Variants in CCDC92 observed in about 807,000 individuals in gnomAD.
CCDC92 encodes coiled-coil domain-containing protein 92.
A neutral mutation model predicts 24.9 loss-of-function variants in CCDC92; 12 were observed. The observed-to-expected ratio is 0.48, with a 90% CI of 0.31 to 0.78. The LOEUF is 0.78. Ranked by LOEUF, CCDC92 falls within the 30% of genes least tolerant of loss-of-function variation. CCDC92 has a pLI of 0.05. For missense variants in CCDC92, 399 were observed against 439.4 expected (o/e 0.91, Z 0.82); for synonymous variants, 193 against 196.3 (o/e 0.98, Z 0.14).
chr12:123,962,190 C>T (rs1197324397), intron 1 of CCDC92, among the ~76,000 whole-genome samples: 1 of 152,074 alleles, frequency 6.6e-6, no homozygotes, highest in African/African-American at 2.4e-5. Flanking sequence ...GAAAATGCTT[C>T]CTCTCTCCTA....
chr12:123,965,054 T>C (rs1008853643), intron 1 of CCDC92, among the ~76,000 whole-genome samples: 6 of 152,252 alleles, frequency 3.9e-5, no homozygotes, highest in African/African-American at 1.4e-4. Flanking sequence ...GGGTCTTTTT[T>C]TGAATACTGG....
chr12:123,951,343 A>G (rs1286778479), intron 1 of CCDC92, among the ~76,000 whole-genome samples: 3 of 152,242 alleles, frequency 2.0e-5, no homozygotes, highest in East Asian at 1.9e-4. Context: ...ACAAAAAGAA[A>G]TGGAATATCT....
intron 1 of CCDC92, chr12:123,956,136 A>G (rs970317309): frequency 1.3e-5 from 2 of 152,250 alleles, no homozygotes; most frequent in Non-Finnish European, 2.9e-5. Flanking sequence ...AGTCACCATG[A>G]CCAGGCATTT....
At chr12:123,968,360 G>A (rs1956442180) in intron 1 of CCDC92, 1 of 152,192 alleles carries the variant, frequency 6.6e-6, no homozygotes, top group African/African-American at 2.4e-5. Context: ...AGATGTTTGT[G>A]TGATCCCTTC....
Position 123,937,712 on chromosome 12 carries a change from C to G in CCDC92, c.342G>C (p.Ala114=). The G allele has an allele frequency of 6.2e-7, 1 of 1,614,138 alleles. No individual in the cohort carries two copies. The highest frequency in any genetic ancestry group is 8.5e-7 in the Non-Finnish European group (1 of 1,180,048). The change falls in exon 5 of 5, where the codon GCG becomes GCC. Residue 114 remains alanine (A), a synonymous_variant. Transcript: ENST00000238156. This position sits in a 1 kb window ranked among gnomAD's most constrained non-coding sequence, Gnocchi z 8.4. ...TGGTGTTCTCCAGCACTGTGATCAT[C>G]GCGTTTTTCTGCTCCAGTTCTTTCA... ...ELLKELEQKN[A]MITVLENTIK... is the part of the protein sequence containing the mutation.
intron 1 of CCDC92, among the ~76,000 whole-genome samples, chr12:123,954,616 G>A (rs907678638): frequency 7.9e-5 from 12 of 152,322 alleles, no homozygotes; most frequent in Admixed American, 5.2e-4. Context: ...TAAAAACCAT[G>A]TCACGGGTCT....
chr12:123,962,255 G>A (rs1461102543), intron 1 of CCDC92, among the ~76,000 whole-genome samples: 4 of 152,206 alleles, frequency 2.6e-5, no homozygotes, highest in Non-Finnish European at 5.9e-5. Flanking sequence ...CTCTTAAAGA[G>A]CTACAAGCTT....
chr12:123,944,463 G>T, intron 1 of CCDC92, 99 bp from the exon 2 acceptor site: 1 of 648,500 alleles, frequency 1.5e-6, no homozygotes, highest in Non-Finnish European at 2.4e-6. Context: ...AGAACCCTCC[G>T]TAAAGGAGGT....
At chr12:123,940,918 G>A (rs1172121994) in intron 4 of CCDC92, among the ~76,000 whole-genome samples, 3 of 149,880 alleles carry the variant, frequency 2.0e-5, no homozygotes, top group Admixed American at 6.7e-5. Flanking sequence ...GAGGGGAGAC[G>A]CCCCGACTGG....
chr12:123,967,883 G>C (rs1341761851), intron 1 of CCDC92: 3 of 152,234 alleles, frequency 2.0e-5, no homozygotes, highest in African/African-American at 7.2e-5. Context: ...TAGTAAATGA[G>C]AAGGGCACAG....
intron 1 of CCDC92, among the ~76,000 whole-genome samples, chr12:123,959,564 C>T (rs1042475542): frequency 2.6e-5 from 4 of 152,168 alleles, no homozygotes; most frequent in Admixed American, 2.0e-4. Context: ...CTTGGCCTCT[C>T]AAAGTGCTGG....
rs1201685315 is a variant in CCDC92 at position 123,952,719 on chromosome 12, G to GT, written c.-59-8356dup. On this transcript the variant is annotated intron_variant, in intron 1 of 4. Coordinates refer to ENST00000238156, the MANE Select transcript of CCDC92 (RefSeq NM_025140.3). ...AAAACGGACAACATTTCAAGGAAAG[G>GT]TAAGTACTCAACAATGACTCCAGGA... Among the ~76,000 whole-genome samples the GT allele has an allele frequency of 3.3e-5, 5 of 152,180 alleles. No individual in the cohort carries two copies. In the East Asian group the frequency reaches 9.6e-4, roughly 29 times the overall value.
rs1594433750 is a variant in CCDC92 at position 123,935,797 on chromosome 12, A to G, written c.*1261T>C. 4.0e-6 allele frequency: 1 copy of G among 249,022 alleles called. No homozygotes were observed. The highest frequency in any genetic ancestry group is 7.7e-6 in the Non-Finnish European group (1 of 129,486). 15.4% of individuals were successfully genotyped at this position (249,022 alleles called of 1,614,324 possible). On this transcript the variant is annotated 3_prime_UTR_variant, in exon 5 of 5. Transcript: ENST00000238156. ...AGTGCCTGGCATACATAGCATTGGC[A>G]CAAGTGAGAATCCTAATGTAATTTC... is the stretch of plus-strand genomic sequence containing the variant.
At chr12:123,954,167 G>A (rs982230371) in intron 1 of CCDC92, among the ~76,000 whole-genome samples, 4 of 152,002 alleles carry the variant, frequency 2.6e-5, no homozygotes, top group Admixed American at 1.3e-4. Flanking sequence ...TTGTTCCAGG[G>A]TAATCTTGGA....
chr12:123,950,846 A>C (rs1248824846), intron 1 of CCDC92, among the ~76,000 whole-genome samples: 2 of 152,192 alleles, frequency 1.3e-5, no homozygotes, highest in Non-Finnish European at 2.9e-5. Context: ...TCCTTGGCAC[A>C]AGTTTTCATG....
intron 1 of CCDC92, among the ~76,000 whole-genome samples, chr12:123,950,425 C>A (rs573752606): frequency 1.6e-4 from 25 of 152,324 alleles, no homozygotes; most frequent in Admixed American, 1.3e-4. Flanking sequence ...GCACTGCCGA[C>A]CACCCAATAC....
chr12:123,943,431 T>G lies in CCDC92; in HGVS notation c.97A>C (p.Asn33His). The G allele has an allele frequency of 1.2e-6, 2 of 1,614,138 alleles. No homozygotes were observed. Among genetic ancestry groups the G allele is most frequent in the Non-Finnish European group, 1.7e-6 (2 of 1,179,992 alleles). ...LENQLHSAQKNLLFLQREHAS... is the reference protein window; with the variant it reads ...LENQLHSAQKHLLFLQREHAS... ...TGCTCCCGCTGAAGGAACAGGAGGT[T>G]CTTCTGTGCGCTGTGCAGCTGGTTC... The change falls in exon 3 of 5, where the codon AAC (asparagine) becomes CAC (histidine). Residue 33 changes from asparagine (N) to histidine (H), a missense_variant. Transcript: ENST00000238156.
intron 1 of CCDC92, among the ~76,000 whole-genome samples, chr12:123,963,521 A>G (rs1250155808): frequency 2.6e-5 from 4 of 152,378 alleles, no homozygotes; most frequent in African/African-American, 9.6e-5. Flanking sequence ...ACACTGGATC[A>G]GCATTTCCTT....
At chr12:123,944,504 C>G in intron 1 of CCDC92, 140 bp from the exon 2 acceptor site, 1 of 518,290 alleles carries the variant, frequency 1.9e-6, no homozygotes, top group Middle Eastern at 4.0e-4. Context: ...AGGACGCAGC[C>G]CATTTGTAGG....
Sources: allele counts gnomAD v4.1 joint callset (sites outside exome capture counted in the v4.1 genomes callset), GRCh38; gene constraint gnomAD v4.1.1; non-coding constraint Gnocchi (gnomAD v3.1); transcripts MANE v1.5; gene names NCBI Gene and HGNC (gene_info 2026-07-23, HGNC 2026-07-21).